CADM1: variants seen among roughly 807,000 people sequenced by gnomAD.
The protein encoded by CADM1 is cell adhesion molecule 1, also known as TSLC-1.
A neutral mutation model predicts 53.1 loss-of-function variants in CADM1; 15 were observed. The observed-to-expected ratio is 0.28, with a 90% CI of 0.19 to 0.44. The LOEUF (loss-of-function observed/expected upper bound fraction) is 0.44, where lower values mean the gene tolerates loss of function less well. Among genes scored for constraint, CADM1 ranks in the 20% least tolerant of loss-of-function variants. The probability of loss-of-function intolerance (pLI) is 1.00; values close to 1 mark genes in which losing one functional copy is unlikely to be tolerated. For missense variants in CADM1, 434 were observed against 611.3 expected (o/e 0.71, Z 3.06); for synonymous variants, 281 against 243.0 (o/e 1.16, Z -1.45).
chr11:115,284,967 T>A (rs2135091365), intron 1 of CADM1, among the ~76,000 whole-genome samples: 1 of 152,338 alleles, frequency 6.6e-6, no homozygotes, highest in Non-Finnish European at 1.5e-5. Flanking sequence ...TACAGCTGGT[T>A]CAGTGAGTCA....
At chr11:115,324,926 T>A (rs1944921559) in intron 1 of CADM1, among the ~76,000 whole-genome samples, 1 of 152,148 alleles carries the variant, frequency 6.6e-6, no homozygotes, top group Non-Finnish European at 1.5e-5. Flanking sequence ...ATTTCAGAAG[T>A]GATTCACCTG....
chr11:115,354,605 T>C (rs986639320), intron 1 of CADM1, among the ~76,000 whole-genome samples: 1 of 152,168 alleles, frequency 6.6e-6, no homozygotes, highest in Non-Finnish European at 1.5e-5. Flanking sequence ...AGTCCTTTCT[T>C]TGAAGGGATT....
At position 115,264,463 on chromosome 11, in the gene CADM1, A is replaced by G. The variant is rs139908266; in HGVS notation, c.125-24043T>C. Among the ~76,000 whole-genome samples, 596 of 152,356 alleles carry G rather than the reference A, an allele frequency of 3.9e-3. 3 individuals carry two copies. Among genetic ancestry groups the G allele is most frequent in the Non-Finnish European group, 6.5e-3 (440 of 68,018 alleles). ...ATAGTCACTTCCATCTCTGTCATCTATTGTAGCAACCAAGGACAGGTGTAC... is the reference window on the plus strand; with the variant it reads ...ATAGTCACTTCCATCTCTGTCATCTGTTGTAGCAACCAAGGACAGGTGTAC... On this transcript the variant is annotated intron_variant, in intron 1 of 11. Transcript: ENST00000331581.
chr11:115,446,354 C>T lies in CADM1; in HGVS notation c.124+57917G>A, dbSNP rs553481823. ...TCCAACCCTTTTGGGTCTGAGTCCA[C>T]AGTCACATTCTCACTAGCACATCAC... On this transcript the variant is annotated intron_variant, in intron 1 of 11. Coordinates refer to ENST00000331581, the MANE Select transcript of CADM1 (RefSeq NM_001301043.2). Among the ~76,000 whole-genome samples the T allele has an allele frequency of 7.9e-5, 12 of 152,308 alleles. No homozygotes were observed. In the South Asian group the frequency reaches 2.5e-3, roughly 32 times the overall value.
chr11:115,286,675 T>C (rs985184196), intron 1 of CADM1, among the ~76,000 whole-genome samples: 3 of 152,352 alleles, frequency 2.0e-5, no homozygotes, highest in Middle Eastern at 3.4e-3. Flanking sequence ...ACATACATTC[T>C]GGTAGTTCAA....
intron 1 of CADM1, among the ~76,000 whole-genome samples, chr11:115,405,377 C>T (rs577819061): frequency 2.0e-5 from 3 of 152,306 alleles, no homozygotes; most frequent in African/African-American, 7.2e-5. Context: ...TCCCACAGCA[C>T]CTATGCTACC....
chr11:115,347,071 T>G (rs1490303880), intron 1 of CADM1, among the ~76,000 whole-genome samples: 1 of 152,136 alleles, frequency 6.6e-6, no homozygotes, highest in Non-Finnish European at 1.5e-5. Context: ...TAAACTAAGA[T>G]GCGGGTACAA....
intron 1 of CADM1, among the ~76,000 whole-genome samples, chr11:115,327,863 T>G (rs991537138): frequency 6.6e-6 from 1 of 152,210 alleles, no homozygotes; most frequent in African/African-American, 2.4e-5. Flanking sequence ...AGCGCTTGTC[T>G]GTCTTTGGGG....
chr11:115,196,172 A>G (rs902330398), intron 9 of CADM1, among the ~76,000 whole-genome samples: 2 of 152,138 alleles, frequency 1.3e-5, no homozygotes, highest in African/African-American at 4.8e-5. Flanking sequence ...GAAATGCTAT[A>G]AAGTCCCATT....
intron 1 of CADM1, among the ~76,000 whole-genome samples, chr11:115,434,472 C>G (rs1303211569): frequency 6.6e-6 from 1 of 152,242 alleles, no homozygotes; most frequent in Non-Finnish European, 1.5e-5. Flanking sequence ...CAGCGTCAGA[C>G]AGACTGGGTT....
intron 1 of CADM1, among the ~76,000 whole-genome samples, chr11:115,442,620 C>T (rs982906851): frequency 6.6e-6 from 1 of 152,172 alleles, no homozygotes; most frequent in Non-Finnish European, 1.5e-5. Context: ...GTTTACTCCT[C>T]CTATCACTCC....
chr11:115,356,532 T>C (rs1565384037), intron 1 of CADM1, among the ~76,000 whole-genome samples: 1 of 151,986 alleles, frequency 6.6e-6, no homozygotes, highest in Non-Finnish European at 1.5e-5. Flanking sequence ...AATAAATAAA[T>C]AGGGGAATGT....
At chr11:115,324,591 G>A (rs1944911932) in intron 1 of CADM1, among the ~76,000 whole-genome samples, 1 of 152,154 alleles carries the variant, frequency 6.6e-6, no homozygotes, top group Admixed American at 6.5e-5. Flanking sequence ...AGCTAGTGCA[G>A]ATAGAACCTT....
intron 1 of CADM1, among the ~76,000 whole-genome samples, chr11:115,458,263 A>C (rs1399476001): frequency 2.0e-5 from 3 of 152,156 alleles, no homozygotes; most frequent in African/African-American, 7.2e-5. Context: ...TATGTTCTAC[A>C]GCAAGCAGCA....
intron 8 of CADM1, among the ~76,000 whole-genome samples, chr11:115,207,134 G>A (rs1255637092): frequency 6.6e-6 from 1 of 152,028 alleles, no homozygotes; most frequent in Admixed American, 6.6e-5. Flanking sequence ...ATCCATTAAG[G>A]CAACGAATTC....
chr11:115,190,027 A>T (rs902770869), intron 10 of CADM1, among the ~76,000 whole-genome samples: 2 of 152,204 alleles, frequency 1.3e-5, no homozygotes, highest in Non-Finnish European at 2.9e-5. Flanking sequence ...GCTTCAGTAA[A>T]AGCGCCTCTG....
chr11:115,425,537 C>T (rs568430158), intron 1 of CADM1, among the ~76,000 whole-genome samples: 1 of 152,330 alleles, frequency 6.6e-6, no homozygotes, highest in South Asian at 2.1e-4. Context: ...CAGAATGCAT[C>T]CTCTTCACCC....
intron 3 of CADM1, among the ~76,000 whole-genome samples, chr11:115,237,990 T>A (rs551560165): frequency 5.9e-5 from 9 of 152,330 alleles, no homozygotes; most frequent in African/African-American, 2.2e-4. Flanking sequence ...TCATGGAGTA[T>A]GATTTTTTTA....
intron 1 of CADM1, among the ~76,000 whole-genome samples, chr11:115,376,330 T>A (rs930735943): frequency 6.6e-6 from 1 of 152,148 alleles, no homozygotes; most frequent in Admixed American, 6.5e-5. Context: ...TGTTATAACA[T>A]AAAAGGATAT....
Sources: allele counts gnomAD v4.1 joint callset (sites outside exome capture counted in the v4.1 genomes callset), GRCh38; gene constraint gnomAD v4.1.1; transcripts MANE v1.5; gene names NCBI Gene and HGNC (gene_info 2026-07-23, HGNC 2026-07-21).